The following PDE2A variants were observed in gnomAD, a reference collection of about 807,000 sequenced individuals.
PDE2A encodes phosphodiesterase 2A, also known as cGMP-dependent 3',5'-cyclic phosphodiesterase.
PDE2A carries 53 observed loss-of-function variants against 133.6 expected under a neutral mutation model. The ratio of observed to expected loss-of-function variants is 0.40; its 90% confidence interval spans 0.32 to 0.50. The LOEUF is 0.50. PDE2A is among the 20% of genes least tolerant of loss of function. PDE2A has a pLI of 0.73. For missense variants in PDE2A, 796 were observed against 1,232.4 expected (o/e 0.65, Z 5.30); for synonymous variants, 491 against 490.2 (o/e 1.00, Z -0.02).
chr11:72,584,129 G>A (rs1057032227), intron 19 of PDE2A, 72 bp downstream of exon 19: 1 of 779,572 alleles, frequency 1.3e-6, no homozygotes, highest in African/African-American at 1.7e-5. Context: ...TCAGTCGGAG[G>A]AGGAGAACCG....
chr11:72,653,700 C>T (rs1262936729), intron 1 of PDE2A, among the ~76,000 whole-genome samples: 1 of 152,316 alleles, frequency 6.6e-6, no homozygotes, highest in Non-Finnish European at 1.5e-5. Flanking sequence ...TCAAGGGCAC[C>T]GAGGCCACCA....
At chr11:72,648,628 C>T (rs903496168) in intron 1 of PDE2A, among the ~76,000 whole-genome samples, 2 of 152,108 alleles carry the variant, frequency 1.3e-5, no homozygotes, top group Non-Finnish European at 2.9e-5. Flanking sequence ...GGGAAGGGAA[C>T]CCATAGGATT....
At chr11:72,609,102 A>G (rs1056506873) in intron 2 of PDE2A, among the ~76,000 whole-genome samples, 8 of 152,214 alleles carry the variant, frequency 5.3e-5, no homozygotes, top group Non-Finnish European at 1.2e-4. Context: ...AAATTAAAAC[A>G]AAACAAGCAA....
rs1471539733 is a variant in PDE2A at position 72,629,065 on chromosome 11, G to T, written c.144+13189C>A. 2.6e-5 allele frequency among the ~76,000 whole-genome samples: 4 copies of T among 152,336 alleles called. No individual in the cohort carries two copies. The East Asian group carries it at 5.8e-4, about 22-fold the overall frequency. On this transcript the variant is annotated intron_variant, in intron 2 of 30. Coordinates refer to ENST00000334456, the MANE Select transcript of PDE2A (RefSeq NM_002599.5). ...GTTTTGGGGATGAGTGTGGGGATGG[G>T]GTCAGGACAGAGCTGAGGGCTGAGG...
chr11:72,660,493 C>CA (rs1270493852), intron 1 of PDE2A, among the ~76,000 whole-genome samples: 1 of 152,198 alleles, frequency 6.6e-6, no homozygotes, highest in African/African-American at 2.4e-5. Context: ...TCCCTGCTCT[C>CA]ACGCAACCTG....
At chr11:72,652,146 C>A (rs1854758343) in intron 1 of PDE2A, among the ~76,000 whole-genome samples, 1 of 152,220 alleles carries the variant, frequency 6.6e-6, no homozygotes, top group African/African-American at 2.4e-5. Context: ...AGCAAGGGGA[C>A]CCCAATGTAG....
chr11:72,585,723 T>C (rs1855939087), intron 14 of PDE2A, 130 bp from the exon 15 acceptor site: 2 of 757,982 alleles, frequency 2.6e-6, no homozygotes, highest in Non-Finnish European at 4.5e-6. Context: ...CCAGAAACTG[T>C]CAGTGTCTAA....
chr11:72,580,731 A>G (rs936864743), intron 24 of PDE2A, 107 bp from the exon 25 acceptor site: 206 of 1,066,612 alleles, frequency 1.9e-4, no homozygotes, highest in Non-Finnish European at 2.4e-4. Context: ...CCTCCTCCCT[A>G]TCTCAGAGCC....
chr11:72,588,824 C>A lies in PDE2A; in HGVS notation c.1030G>T (p.Val344Leu). Residue 344 changes from valine to leucine, a missense_variant, in exon 13 of 31, where the codon GTG becomes TTG. Physicochemically the swap from Val to Leu is conservative, Grantham distance 32. Coordinates refer to ENST00000334456, the MANE Select transcript of PDE2A (RefSeq NM_002599.5). The stretch of plus-strand genomic sequence containing the variant: ...TTGTTGAAGGCGCAGGCCAAGGCCA[C>A]CACCTGGTCAGTGGCCCGGCTGATG... Reference protein sequence around the residue: ...PVISRATDQVVALACAFNKLE... With the variant: ...PVISRATDQVLALACAFNKLE... 1 of 1,611,050 alleles carries A rather than the reference C, an allele frequency of 6.2e-7. No homozygotes were observed. The highest frequency in any genetic ancestry group is 8.5e-7 in the Non-Finnish European group (1 of 1,177,744).
intron 2 of PDE2A, among the ~76,000 whole-genome samples, chr11:72,620,886 G>A (rs1324395364): frequency 1.3e-5 from 2 of 151,810 alleles, no homozygotes; most frequent in East Asian, 3.9e-4. Context: ...GGAGAGAGGA[G>A]GGCTGTGGGT....
intron 30 of PDE2A, among the ~76,000 whole-genome samples, chr11:72,577,979 A>C (rs557147565): frequency 2.6e-5 from 4 of 152,222 alleles, no homozygotes; most frequent in African/African-American, 9.6e-5. Context: ...CTCAAAAAAA[A>C]CAAGAACTTC....
chr11:72,634,414 G>A (rs577615693), intron 2 of PDE2A, among the ~76,000 whole-genome samples: 1 of 152,216 alleles, frequency 6.6e-6, no homozygotes, highest in Non-Finnish European at 1.5e-5. Flanking sequence ...AGGGGAAGTG[G>A]GGGAGGCTGT....
chr11:72,586,042 C>A, intron 14 of PDE2A, 28 bp downstream of exon 14: 1 of 1,344,264 alleles, frequency 7.4e-7, no homozygotes, highest in Non-Finnish European at 1.1e-6. Flanking sequence ...AGTCGGTGCC[C>A]GAGAGAGGCT....
chr11:72,662,678 C>T (rs940792396), intron 1 of PDE2A, among the ~76,000 whole-genome samples: 2 of 152,164 alleles, frequency 1.3e-5, no homozygotes, highest in African/African-American at 4.8e-5. Context: ...CACTGAGGAA[C>T]TAGGGCCTTA....
intron 2 of PDE2A, among the ~76,000 whole-genome samples, chr11:72,610,170 T>A (rs1342178338): frequency 6.6e-6 from 1 of 152,132 alleles, no homozygotes. Context: ...GTTATCAGTC[T>A]CCAACTCCAA....
intron 1 of PDE2A, among the ~76,000 whole-genome samples, chr11:72,659,091 C>T (rs1183524573): frequency 6.6e-6 from 1 of 151,846 alleles, no homozygotes; most frequent in African/African-American, 2.4e-5. Flanking sequence ...GAGGAGACGG[C>T]AAAGCTTCTG....
intron 4 of PDE2A, among the ~76,000 whole-genome samples, chr11:72,601,429 C>A (rs756088622): frequency 2.7e-5 from 4 of 146,316 alleles, no homozygotes; most frequent in African/African-American, 1.0e-4. Context: ...GGGAGCAGAC[C>A]GTTCCCGGTG....
intron 2 of PDE2A, among the ~76,000 whole-genome samples, chr11:72,625,109 C>T (rs1857991785): frequency 6.6e-6 from 1 of 152,172 alleles, no homozygotes. Context: ...TGTCAGGGCC[C>T]CTGGCAGGCC....
chr11:72,613,227 G>T (rs932494588), intron 2 of PDE2A, among the ~76,000 whole-genome samples: 6 of 152,022 alleles, frequency 3.9e-5, no homozygotes, highest in African/African-American at 1.4e-4. Context: ...GCCTCACAGT[G>T]CCCCTCACAC....
Sources: gnomAD v4.1 joint callset for allele counts (sites outside exome capture counted in the v4.1 genomes callset) on GRCh38, gnomAD v4.1.1 for gene constraint, MANE v1.5 for transcripts, NCBI Gene and HGNC (gene_info 2026-07-23, HGNC 2026-07-21) for gene names.